RIPOR2: variants seen among roughly 807,000 people sequenced by gnomAD.
RIPOR2 encodes the protein RHO family interacting cell polarization regulator 2, also known as rho family-interacting cell polarization regulator 2.
In RIPOR2, 39 loss-of-function variants were observed where a neutral mutation model predicts 114.5. The observed-to-expected ratio is 0.34, with a 90% CI of 0.26 to 0.44. RIPOR2 has a LOEUF of 0.44. Ranked by LOEUF, RIPOR2 falls within the 20% of genes least tolerant of loss-of-function variation. The pLI is 1.00. For missense variants in RIPOR2, 1,007 were observed against 1,255.1 expected (o/e 0.80, Z 2.99); for synonymous variants, 445 against 484.4 (o/e 0.92, Z 1.07).
chr6:24,831,233 G>A (rs1467397749), intron 16 of RIPOR2, among the ~76,000 whole-genome samples: 5 of 152,260 alleles, frequency 3.3e-5, no homozygotes, highest in East Asian at 3.9e-4. Context: ...AAACAAGTTC[G>A]TTTGCTGTGA....
At chr6:24,951,807 G>C (rs979662344) in intron 1 of RIPOR2, among the ~76,000 whole-genome samples, 3 of 152,292 alleles carry the variant, frequency 2.0e-5, no homozygotes, top group Middle Eastern at 3.4e-3. Flanking sequence ...AGAATAATCA[G>C]CTTTGGCAGC....
intron 1 of RIPOR2, among the ~76,000 whole-genome samples, chr6:24,876,344 T>C (rs1765756476): frequency 1.3e-5 from 2 of 151,770 alleles, no homozygotes; most frequent in Admixed American, 1.3e-4. Flanking sequence ...CACAAAATTG[T>C]CCATCACTTT....
intron 1 of RIPOR2, among the ~76,000 whole-genome samples, chr6:24,982,549 T>G (rs1260276808): frequency 6.6e-6 from 1 of 152,266 alleles, no homozygotes; most frequent in Non-Finnish European, 1.5e-5. Flanking sequence ...AAATATTTAT[T>G]AAGCCAAGAA....
rs921534663 is a variant in RIPOR2 at position 24,812,392 on chromosome 6, C to G, written c.2953-2585G>C. Among the ~76,000 whole-genome samples the G allele has an allele frequency of 8.8e-5, 4 of 45,514 alleles. 1 individual carries two copies. Among genetic ancestry groups the G allele is most frequent in the African/African-American group, 1.7e-4 (4 of 23,326 alleles). The allele number at this position is 45,514 out of a possible 152,430, so 29.9% of individuals were successfully genotyped here. On this transcript the variant is annotated intron_variant, in intron 20 of 21. Coordinates refer to ENST00000643898, the MANE Select transcript of RIPOR2 (RefSeq NM_001286445.3). ...TTCTAACTGGTGTGAGATGATATCT[C>G]ATAGTGGTTTTGATTTGCATTTCTC...
chr6:24,805,767 T>C lies in RIPOR2; in HGVS notation c.*606A>G, dbSNP rs1780737456. 1.3e-5 allele frequency: 2 copies of C among 152,142 alleles called. No homozygotes were observed. Among genetic ancestry groups the C allele is most frequent in the South Asian group, 4.1e-4 (2 of 4,830 alleles). The allele number at this position is 152,142 out of a possible 1,614,324, so 9.4% of individuals were successfully genotyped here. On this transcript the variant is annotated 3_prime_UTR_variant, in exon 22 of 22. Coordinates refer to ENST00000643898, the MANE Select transcript of RIPOR2 (RefSeq NM_001286445.3). ...TTGCAAAAAAGTACAAAGATGGCTATTTTTAAATTTCATACATATTAAGAT... is the reference window on the plus strand; with the variant it reads ...TTGCAAAAAAGTACAAAGATGGCTACTTTTAAATTTCATACATATTAAGAT...
chr6:24,902,115 T>C (rs1273043211), intron 1 of RIPOR2, among the ~76,000 whole-genome samples: 1 of 152,312 alleles, frequency 6.6e-6, no homozygotes, highest in African/African-American at 2.4e-5. Flanking sequence ...AGCAGTCAAC[T>C]GGCTGGAGGA....
chr6:24,828,752 G>A (rs116397292), intron 17 of RIPOR2, among the ~76,000 whole-genome samples: 2,056 of 151,904 alleles, frequency 0.014, 21 homozygotes, highest in Non-Finnish European at 0.023. Flanking sequence ...TAAAAAGGAG[G>A]AGGAAGAGAC....
chr6:24,882,751 A>C (rs1299254071), intron 1 of RIPOR2, among the ~76,000 whole-genome samples: 1 of 152,194 alleles, frequency 6.6e-6, no homozygotes, highest in Non-Finnish European at 1.5e-5. Flanking sequence ...AAAATTTTGT[A>C]TCCTGCTTTT....
chr6:24,901,026 T>A (rs917469187), intron 1 of RIPOR2, among the ~76,000 whole-genome samples: 2 of 152,146 alleles, frequency 1.3e-5, no homozygotes, highest in African/African-American at 4.8e-5. Flanking sequence ...TTCAAACTCC[T>A]CTTGTGCCCA....
chr6:24,989,891 G>T (rs544466388), intron 1 of RIPOR2, among the ~76,000 whole-genome samples: 1 of 151,856 alleles, frequency 6.6e-6, no homozygotes, highest in Non-Finnish European at 1.5e-5. Flanking sequence ...TTAGCCAGGC[G>T]TGGTGGTGGG....
chr6:24,900,417 C>CTT (rs1409124801), intron 1 of RIPOR2, among the ~76,000 whole-genome samples: 2 of 152,238 alleles, frequency 1.3e-5, no homozygotes, highest in Non-Finnish European at 2.9e-5. Flanking sequence ...ATAGCTATTA[C>CTT]TTTTATAATA....
At chr6:24,844,757 G>A (rs563882686) in intron 12 of RIPOR2, among the ~76,000 whole-genome samples, 434 of 152,216 alleles carry the variant, frequency 2.9e-3, no homozygotes, top group African/African-American at 0.01. Flanking sequence ...GATTACAGGC[G>A]TGAGCCACCG....
chr6:24,940,282 C>G (rs551509585), upstream of RIPOR2, among the ~76,000 whole-genome samples: 2 of 152,294 alleles, frequency 1.3e-5, no homozygotes, highest in South Asian at 2.1e-4. Context: ...ATTTCAACAT[C>G]CAACGTGGGC....
chr6:24,962,018 G>C (rs1190152816), intron 1 of RIPOR2, among the ~76,000 whole-genome samples: 1 of 152,138 alleles, frequency 6.6e-6, no homozygotes, highest in Non-Finnish European at 1.5e-5. Context: ...GAGAGGCTAA[G>C]CACCTCACTC....
At chr6:24,888,299 C>A (rs1308584572) in intron 1 of RIPOR2, among the ~76,000 whole-genome samples, 1 of 152,170 alleles carries the variant, frequency 6.6e-6, no homozygotes, top group Non-Finnish European at 1.5e-5. Flanking sequence ...ATTATCAGCT[C>A]CTTCAGGCAT....
Position 24,843,207 on chromosome 6 carries a change from A to T in RIPOR2, c.1512T>A (p.Gly504=). Residue 504 remains glycine, a synonymous_variant, in exon 13 of 22, where the codon GGT becomes GGA. Transcript: ENST00000643898. ...PSEACRRQSS[G]AGAEHLFLEN... ...CAAGGAACAGGTGCTCAGCCCCAGC[A>T]CCTGAGGACTGTCGGCGGCAAGCCT... The T allele has an allele frequency of 6.2e-7, 1 of 1,613,994 alleles. No homozygotes were observed. Among genetic ancestry groups the T allele is most frequent in the Non-Finnish European group, 8.5e-7 (1 of 1,179,866 alleles).
chr6:24,997,132 C>T (rs893458093), intron 1 of RIPOR2, among the ~76,000 whole-genome samples: 1 of 152,160 alleles, frequency 6.6e-6, no homozygotes, highest in African/African-American at 2.4e-5. Flanking sequence ...TTTAAAACTC[C>T]CAACATGCAG....
intron 1 of RIPOR2, among the ~76,000 whole-genome samples, chr6:25,035,740 C>T (rs981880813): frequency 1.3e-5 from 2 of 152,104 alleles, no homozygotes; most frequent in Non-Finnish European, 2.9e-5. Context: ...TGTAAATTGA[C>T]GCTGGATCTC....
intron 1 of RIPOR2, among the ~76,000 whole-genome samples, chr6:24,942,883 AGTT>A (rs1233024945): frequency 6.6e-6 from 1 of 152,124 alleles, no homozygotes; most frequent in Admixed American, 6.6e-5. Flanking sequence ...CTCTGATGGT[AGTT>A]TCTTTTGCTG....
Sources: gnomAD v4.1 joint callset for allele counts (sites outside exome capture counted in the v4.1 genomes callset) on GRCh38, gnomAD v4.1.1 for gene constraint, MANE v1.5 for transcripts, NCBI Gene and HGNC (gene_info 2026-07-23, HGNC 2026-07-21) for gene names.